SLC12A7: variants seen among roughly 807,000 people sequenced by gnomAD.
SLC12A7 encodes the protein K-Cl cotransporter 4.
In SLC12A7, 100 loss-of-function variants were observed where a neutral mutation model predicts 120.6. That is an observed-to-expected ratio of 0.83 (90% CI 0.71 to 0.98). The LOEUF (loss-of-function observed/expected upper bound fraction) is 0.98. Among genes scored for constraint, SLC12A7 ranks in the 50% least tolerant of loss-of-function variants. The pLI is 0.00. For synonymous variants in SLC12A7, 760 were observed against 678.0 expected (o/e 1.12, Z -1.88); for missense variants, 1,373 against 1,548.1 (o/e 0.89, Z 1.90).
the SLC12A7 span, among the ~76,000 whole-genome samples, chr5:1,131,184 G>A: frequency 1.3e-5 from 2 of 152,180 alleles, no homozygotes; most frequent in Non-Finnish European, 2.9e-5. Context: ...GACTCACGGG[G>A]ACACGTGGGG....
intron 9 of SLC12A7, 128 bp downstream of exon 9, chr5:1,081,448 AG>A (rs1422663237): frequency 2.1e-6 from 2 of 937,476 alleles, no homozygotes; most frequent in Non-Finnish European, 3.1e-6. Flanking sequence ...ATTTGTGTCT[AG>A]GAGTTGAGGC....
chr5:1,093,787 G>C, intron 2 of SLC12A7, 132 bp from the exon 3 acceptor site: 1 of 1,369,838 alleles, frequency 7.3e-7, no homozygotes, highest in Non-Finnish European at 9.9e-7. Flanking sequence ...GCAAGCCAGA[G>C]AGGCCTGGAC....
At chr5:1,082,710 G>T (rs371439604) in intron 8 of SLC12A7, among the ~76,000 whole-genome samples, 5 of 148,974 alleles carry the variant, frequency 3.4e-5, no homozygotes, top group African/African-American at 9.9e-5. Flanking sequence ...TTCCCATCTC[G>T]GGTTCTGGAA....
the SLC12A7 span, among the ~76,000 whole-genome samples, chr5:1,150,805 T>C: frequency 6.6e-6 from 1 of 152,182 alleles, no homozygotes; most frequent in Admixed American, 6.5e-5. Flanking sequence ...GCCTGCCCCG[T>C]GGGGCTGGCA....
chr5:1,118,584 G>C, the SLC12A7 span, among the ~76,000 whole-genome samples: 1 of 152,252 alleles, frequency 6.6e-6, no homozygotes, highest in Non-Finnish European at 1.5e-5. Flanking sequence ...CCTTGGGCGT[G>C]AAAGGTCTTG....
Position 1,057,641 on chromosome 5 carries a change from C to T in SLC12A7, c.2856G>A (p.Leu952=), listed in dbSNP as rs1246785974. 6.3e-7 allele frequency: 1 copy of T among 1,598,616 alleles called. No homozygotes were observed. Among genetic ancestry groups the T allele is most frequent in the Non-Finnish European group, 8.5e-7 (1 of 1,178,790 alleles). ...SKNEQEREAQ[L]IHDRNTASHT... Reference sequence around the variant, plus strand: ...GGGACGCGGTGTTCCTGTCGTGGATCAGCTGGGCCTGGCGGGCCCGGGACT... The same window carrying T: ...GGGACGCGGTGTTCCTGTCGTGGATTAGCTGGGCCTGGCGGGCCCGGGACT... Residue 952 remains leucine, a synonymous_variant, in exon 22 of 24, where the codon CTG becomes CTA. Coordinates refer to ENST00000264930, the MANE Select transcript of SLC12A7 (RefSeq NM_006598.3).
intron 12 of SLC12A7, 66 bp downstream of exon 12, chr5:1,077,767 C>T: frequency 1.4e-6 from 2 of 1,455,674 alleles, no homozygotes; most frequent in Non-Finnish European, 1.8e-6. Context: ...TGTGAGGATC[C>T]CGCAGGGGAG....
the SLC12A7 span, among the ~76,000 whole-genome samples, chr5:1,121,333 G>A: frequency 6.6e-6 from 1 of 152,244 alleles, no homozygotes; most frequent in Non-Finnish European, 1.5e-5. Flanking sequence ...CACCTGGCAG[G>A]GGTTTGGCCT....
intron 11 of SLC12A7, 73 bp from the exon 12 acceptor site, chr5:1,078,080 C>A: frequency 6.8e-7 from 1 of 1,481,376 alleles, no homozygotes; most frequent in South Asian, 1.3e-5. Context: ...TCTTCTCCCA[C>A]CCAGAGCGAG....
upstream of SLC12A7, among the ~76,000 whole-genome samples, chr5:1,114,759 C>G (rs749825767): frequency 6.6e-6 from 1 of 152,078 alleles, no homozygotes; most frequent in Non-Finnish European, 1.5e-5. Flanking sequence ...CTGGCAAGGC[C>G]GGGGGCTCGC....
chr5:1,119,966 T>A, the SLC12A7 span, among the ~76,000 whole-genome samples: 3 of 152,242 alleles, frequency 2.0e-5, no homozygotes, highest in African/African-American at 7.2e-5. Flanking sequence ...CCCAGGCAGC[T>A]GGGACCCCCC....
At chr5:1,135,943 C>A in the SLC12A7 span, among the ~76,000 whole-genome samples, 2 of 152,242 alleles carry the variant, frequency 1.3e-5, no homozygotes, top group Non-Finnish European at 2.9e-5. Context: ...AAGTTTCCCA[C>A]AGAAATGGTG....
chr5:1,131,646 C>G, the SLC12A7 span, among the ~76,000 whole-genome samples: 4 of 152,200 alleles, frequency 2.6e-5, no homozygotes, highest in Admixed American at 6.5e-5. Flanking sequence ...CCTTGGGGCC[C>G]CCAGAATCCA....
intron 4 of SLC12A7, 67 bp downstream of exon 4, chr5:1,088,915 G>C (rs1332959790): frequency 1.9e-6 from 3 of 1,594,426 alleles, no homozygotes; most frequent in Non-Finnish European, 2.6e-6. Context: ...ACGGCATCTG[G>C]GGAGAGCCCT....
At chr5:1,085,105 C>T (rs181716174) in intron 7 of SLC12A7, 127 bp downstream of exon 7, 130 of 1,340,344 alleles carry the variant, frequency 9.7e-5, no homozygotes, top group Non-Finnish European at 1.1e-4. Flanking sequence ...GTTCCCGCCA[C>T]GGTCACACCC....
At chr5:1,108,350 T>C (rs1742724912) in intron 1 of SLC12A7, among the ~76,000 whole-genome samples, 1 of 152,214 alleles carries the variant, frequency 6.6e-6, no homozygotes, top group African/African-American at 2.4e-5. Context: ...TGTATCTTGT[T>C]TCCTTTGGTT....
the SLC12A7 span, among the ~76,000 whole-genome samples, chr5:1,122,935 G>T: frequency 7.3e-4 from 111 of 152,390 alleles, 1 homozygote; most frequent in Admixed American, 1.6e-3. Context: ...ACGTGCGCAC[G>T]CACAAGCCCT....
chr5:1,121,688 A>G, the SLC12A7 span, among the ~76,000 whole-genome samples: 1 of 152,142 alleles, frequency 6.6e-6, no homozygotes, highest in Non-Finnish European at 1.5e-5. Context: ...CCCATGGATG[A>G]CTGGAAGGAC....
rs374280042 is a variant in SLC12A7, at chr5:1,068,406, C to T, written c.2242-2928G>A. ...CTGAGACGGCGCCACTGCACTGCAG[C>T]CTGGGCAACAGAGGGAGACTCTGTC... On this transcript the variant is annotated intron_variant, in intron 17 of 23. Transcript: ENST00000264930. Among the ~76,000 whole-genome samples the T allele has an allele frequency of 5.3e-5, 8 of 150,898 alleles. No individual in the cohort carries two copies. In the East Asian group the frequency reaches 5.8e-4, roughly 11 times the overall value.
Sources: allele counts gnomAD v4.1 joint callset (sites outside exome capture counted in the v4.1 genomes callset), GRCh38; gene constraint gnomAD v4.1.1; transcripts MANE v1.5; gene names NCBI Gene and HGNC (gene_info 2026-07-23, HGNC 2026-07-21).